The following CEP128 variants were observed in gnomAD, a reference collection of about 807,000 sequenced individuals.
CEP128 encodes the protein centrosomal protein 128kDa.
Under a neutral mutation model 156.7 loss-of-function variants are expected in CEP128, and 132 were observed. That is an observed-to-expected ratio of 0.84 (90% CI 0.73 to 0.97). The LOEUF (loss-of-function observed/expected upper bound fraction) is 0.97. Ranked by LOEUF, CEP128 falls within the 50% of genes least tolerant of loss-of-function variation. The pLI, the probability that CEP128 is intolerant of heterozygous loss-of-function variation, is 0.00. For synonymous variants in CEP128, 469 were observed against 448.9 expected, an observed-to-expected ratio of 1.04 and a Z score of -0.57; for missense variants, 1,252 against 1,281.9, an observed-to-expected ratio of 0.98 and a Z score of 0.36.
At chr14:80,681,210 AGAAAG>A (rs947150114) in intron 19 of CEP128, among the ~76,000 whole-genome samples, 1 of 152,292 alleles carries the variant, frequency 6.6e-6, no homozygotes, top group Admixed American at 6.5e-5. Flanking sequence ...AAAGGTAAAA[AGAAAG>A]GAAAAAAATA....
intron 8 of CEP128, among the ~76,000 whole-genome samples, chr14:80,864,491 C>T (rs1887672792): frequency 6.6e-6 from 1 of 152,078 alleles, no homozygotes; most frequent in African/African-American, 2.4e-5. Flanking sequence ...ATTTAGACAT[C>T]AGCAACTTTG....
rs189290894 is a variant in CEP128 at position 80,843,507 on chromosome 14, T to C, written c.763-2739A>G. On this transcript the variant is annotated intron_variant, in intron 9 of 24. Transcript: ENST00000555265. ...ATCATTTACTTGAAGGTACAAACTA[T>C]CAAATCAGATTTTTTTTCCAGTAAC... Among the ~76,000 whole-genome samples, 99 of 152,154 alleles carry C rather than the reference T, an allele frequency of 6.5e-4. 1 individual carries two copies. Among genetic ancestry groups the C allele is most frequent in the Middle Eastern group, 3.4e-3 (1 of 294 alleles).
intron 8 of CEP128, among the ~76,000 whole-genome samples, chr14:80,877,717 T>G (rs992006480): frequency 5.9e-5 from 9 of 152,154 alleles, no homozygotes; most frequent in African/African-American, 2.2e-4. Flanking sequence ...CCTACCCACC[T>G]AGGGACAAGC....
chr14:80,785,182 C>T lies in CEP128; in HGVS notation c.1924G>A (p.Ala642Thr), dbSNP rs1901335135. 5 of 1,614,066 alleles carry T rather than the reference C, an allele frequency of 3.1e-6. No individual in the cohort carries two copies. The highest frequency in any genetic ancestry group is 3.4e-6 in the Non-Finnish European group (4 of 1,180,026). Residue 642 changes from alanine (A) to threonine (T), a missense_variant, in exon 15 of 25, where the codon GCC (alanine) becomes ACC (threonine). Ala to Thr is a moderately conservative substitution (Grantham distance 58, BLOSUM62 0). Transcript: ENST00000555265. ...EMQESIKDLS[A>T]IRADLANKLA... is the part of the protein sequence containing the mutation. ...TTATTAGCAAGATCTGCTCGGATGG[C>T]ACTCAGGTCCTTGATGGACTCTTGC...
intron 18 of CEP128, among the ~76,000 whole-genome samples, chr14:80,748,548 G>A (rs1385600960): frequency 6.6e-6 from 1 of 152,148 alleles, no homozygotes; most frequent in African/African-American, 2.4e-5. Context: ...AAGTGAAAAT[G>A]CAAAGGGAAG....
intron 16 of CEP128, among the ~76,000 whole-genome samples, chr14:80,771,003 CAT>C (rs1194430477): frequency 6.6e-6 from 1 of 152,126 alleles, no homozygotes; most frequent in African/African-American, 2.4e-5. Flanking sequence ...ATCTGAAAAT[CAT>C]ATATATTTTT....
intron 13 of CEP128, among the ~76,000 whole-genome samples, chr14:80,797,790 C>A (rs1247439158): frequency 6.6e-6 from 1 of 152,084 alleles, no homozygotes; most frequent in African/African-American, 2.4e-5. Flanking sequence ...TGCATAAATG[C>A]TTTCAGGGTA....
At chr14:80,852,581 A>G (rs1886947606) in intron 9 of CEP128, among the ~76,000 whole-genome samples, 1 of 151,922 alleles carries the variant, frequency 6.6e-6, no homozygotes, top group South Asian at 2.1e-4. Flanking sequence ...CTAATAAAAT[A>G]ATACTATTTC....
At chr14:80,617,970 C>T (rs1308529999) in intron 19 of CEP128, among the ~76,000 whole-genome samples, 1 of 152,162 alleles carries the variant, frequency 6.6e-6, no homozygotes, top group Non-Finnish European at 1.5e-5. Context: ...TGCACTCTAG[C>T]TTTTTCATCT....
At chr14:80,530,932 T>C in intron 21 of CEP128, 46 bp from the exon 22 acceptor site, 1 of 1,274,166 alleles carries the variant, frequency 7.8e-7, no homozygotes, top group Non-Finnish European at 1.1e-6. Flanking sequence ...AAAAATTGAT[T>C]AATACTCTCA....
chr14:80,578,493 T>C (rs79417887), intron 20 of CEP128, among the ~76,000 whole-genome samples: 7,315 of 152,240 alleles, frequency 0.048, 261 homozygotes, highest in South Asian at 0.086. Context: ...TATTTAGCTC[T>C]CCCTTCTGGG....
Position 80,816,475 on chromosome 14 carries a change from T to G in CEP128, c.1209+14668A>C, listed in dbSNP as rs1247629225. ...CCCATACTCCAATTCACTCAAACAGTGAATGTTCTACAACAGAAGAGGCAA... is the reference window on the plus strand; with the variant it reads ...CCCATACTCCAATTCACTCAAACAGGGAATGTTCTACAACAGAAGAGGCAA... On this transcript the variant is annotated intron_variant, in intron 13 of 24. Coordinates refer to ENST00000555265, the MANE Select transcript of CEP128 (RefSeq NM_152446.5). Among the ~76,000 whole-genome samples the G allele has an allele frequency of 2.6e-5, 4 of 151,864 alleles. No individual in the cohort carries two copies. In the East Asian group the frequency reaches 7.7e-4, roughly 29 times the overall value.
At chr14:80,831,661 C>T (rs1885807964) in intron 12 of CEP128, among the ~76,000 whole-genome samples, 1 of 150,600 alleles carries the variant, frequency 6.6e-6, no homozygotes, top group Non-Finnish European at 1.5e-5. Flanking sequence ...ACTTCATCTA[C>T]AAAATATTTT....
At chr14:80,858,954 G>C (rs1044868021) in intron 9 of CEP128, among the ~76,000 whole-genome samples, 12 of 152,162 alleles carry the variant, frequency 7.9e-5, no homozygotes, top group Middle Eastern at 3.4e-3. Context: ...TGGTGGGACT[G>C]TAAACTAGTT....
intron 19 of CEP128, among the ~76,000 whole-genome samples, chr14:80,637,760 T>A (rs1176546856): frequency 6.6e-6 from 1 of 152,200 alleles, no homozygotes. Flanking sequence ...AATGAGGTTA[T>A]CCTGGATTAT....
chr14:80,777,220 G>A (rs561461538), intron 16 of CEP128, among the ~76,000 whole-genome samples: 1 of 152,188 alleles, frequency 6.6e-6, no homozygotes, highest in East Asian at 1.9e-4. Context: ...GGTGGGAGGT[G>A]ATTTGGGAGG....
At chr14:80,861,668 C>T (rs1887518471) in intron 9 of CEP128, among the ~76,000 whole-genome samples, 1 of 152,044 alleles carries the variant, frequency 6.6e-6, no homozygotes, top group South Asian at 2.1e-4. Context: ...AGAGACATGA[C>T]AACTAAATGC....
intron 9 of CEP128, among the ~76,000 whole-genome samples, chr14:80,841,221 T>C (rs10130908): frequency 0.064 from 9,811 of 152,216 alleles, 1,043 homozygotes; most frequent in African/African-American, 0.22. Flanking sequence ...TCATAATATC[T>C]GAAATGCATT....
chr14:80,730,417 G>C (rs942622171), intron 19 of CEP128, among the ~76,000 whole-genome samples: 1 of 152,194 alleles, frequency 6.6e-6, no homozygotes, highest in African/African-American at 2.4e-5. Flanking sequence ...ATGGAAGAGG[G>C]TAAAGAGAAA....
Sources: allele counts gnomAD v4.1 joint callset (sites outside exome capture counted in the v4.1 genomes callset), GRCh38; gene constraint gnomAD v4.1.1; transcripts MANE v1.5; gene names NCBI Gene and HGNC (gene_info 2026-07-23, HGNC 2026-07-21).